KCNIP4: variants seen among roughly 807,000 people sequenced by gnomAD.
KCNIP4 encodes potassium voltage-gated channel interacting protein 4.
Under a neutral mutation model 34.0 loss-of-function variants are expected in KCNIP4, and 12 were observed. That is an observed-to-expected ratio of 0.35 (90% CI 0.23 to 0.57). The LOEUF (loss-of-function observed/expected upper bound fraction) is 0.57, where lower values mean the gene tolerates loss of function less well. Ranked by LOEUF, KCNIP4 falls within the 20% of genes least tolerant of loss-of-function variation. The pLI is 0.83. For missense variants in KCNIP4, 238 were observed against 311.7 expected (o/e 0.76, Z 1.78); for synonymous variants, 124 against 102.2 (o/e 1.21, Z -1.29).
intron 1 of KCNIP4, among the ~76,000 whole-genome samples, chr4:21,508,032 A>C (rs1374953829): frequency 6.6e-6 from 1 of 152,204 alleles, no homozygotes; most frequent in Non-Finnish European, 1.5e-5. Flanking sequence ...CAGTTTATTT[A>C]GCCAAATTTC....
At chr4:21,473,173 A>G (rs1440034484) in intron 1 of KCNIP4, among the ~76,000 whole-genome samples, 1 of 152,214 alleles carries the variant, frequency 6.6e-6, no homozygotes, top group Admixed American at 6.5e-5. Flanking sequence ...ACCCTACAAT[A>G]GGGCAAATGT....
At chr4:20,965,136 T>A (rs1439302239) in intron 1 of KCNIP4, among the ~76,000 whole-genome samples, 1 of 152,148 alleles carries the variant, frequency 6.6e-6, no homozygotes, top group African/African-American at 2.4e-5. Flanking sequence ...AAGATAGTCC[T>A]CATCCATATT....
intron 1 of KCNIP4, among the ~76,000 whole-genome samples, chr4:21,854,776 T>C (rs1291266127): frequency 2.0e-5 from 3 of 152,236 alleles, no homozygotes; most frequent in Non-Finnish European, 4.4e-5. Context: ...CAACTGGACA[T>C]GGCCACTTGG....
intron 1 of KCNIP4, among the ~76,000 whole-genome samples, chr4:21,681,712 G>A (rs975767639): frequency 1.3e-5 from 2 of 152,026 alleles, no homozygotes; most frequent in African/African-American, 4.8e-5. Flanking sequence ...AAGAAAAAAG[G>A]TTTCATTGGC....
intron 1 of KCNIP4, among the ~76,000 whole-genome samples, chr4:21,518,515 C>G (rs973818206): frequency 2.6e-5 from 4 of 152,096 alleles, no homozygotes; most frequent in African/African-American, 9.7e-5. Context: ...TTGAAGCTCT[C>G]AGCCCCATTC....
chr4:21,333,812 G>A (rs1578091221), intron 1 of KCNIP4, among the ~76,000 whole-genome samples: 1 of 152,216 alleles, frequency 6.6e-6, no homozygotes, highest in East Asian at 1.9e-4. Flanking sequence ...TGTGTTAAAA[G>A]GAAAGAATGG....
At chr4:21,284,742 G>A (rs1333265205) in intron 1 of KCNIP4, among the ~76,000 whole-genome samples, 1 of 148,574 alleles carries the variant, frequency 6.7e-6, no homozygotes, top group Admixed American at 6.8e-5. Context: ...CCTTGTGTGT[G>A]TGTGTGTGTG....
intron 1 of KCNIP4, among the ~76,000 whole-genome samples, chr4:21,126,617 CAAA>C (rs71655615): frequency 2.4e-5 from 2 of 82,058 alleles, no homozygotes. Context: ...AGAGAAATAG[CAAA>C]AAAAAAAAAA....
intron 5 of KCNIP4, among the ~76,000 whole-genome samples, chr4:20,739,410 T>C (rs1319734896): frequency 6.6e-6 from 1 of 152,134 alleles, no homozygotes; most frequent in Non-Finnish European, 1.5e-5. Flanking sequence ...GGCAGCAACA[T>C]GTGCTGTTCT....
At chr4:21,042,269 AG>A (rs1201981039) in intron 1 of KCNIP4, among the ~76,000 whole-genome samples, 10 of 152,212 alleles carry the variant, frequency 6.6e-5, no homozygotes, top group Admixed American at 6.5e-4. Flanking sequence ...ACAATAGCTA[AG>A]ATATGGAATC....
At chr4:21,803,018 C>T (rs1721092095) in intron 1 of KCNIP4, among the ~76,000 whole-genome samples, 1 of 152,130 alleles carries the variant, frequency 6.6e-6, no homozygotes. Flanking sequence ...GAAATTCTCC[C>T]AGTTCCATGT....
At chr4:20,807,422 G>A (rs1412773859) in intron 3 of KCNIP4, among the ~76,000 whole-genome samples, 2 of 152,044 alleles carry the variant, frequency 1.3e-5, no homozygotes, top group Non-Finnish European at 1.5e-5. Context: ...ACTGCAGCTT[G>A]TAGGCCACAT....
intron 1 of KCNIP4, among the ~76,000 whole-genome samples, chr4:20,893,528 T>C (rs913136591): frequency 2.0e-5 from 3 of 151,328 alleles, no homozygotes; most frequent in African/African-American, 7.3e-5. Context: ...GCTCAAGTGA[T>C]CCTCCCGCCT....
At chr4:21,607,274 G>A (rs79049860) in intron 1 of KCNIP4, among the ~76,000 whole-genome samples, 1 of 152,122 alleles carries the variant, frequency 6.6e-6, no homozygotes, top group South Asian at 2.1e-4. Context: ...GCCTATCTCA[G>A]AAGGTTCTTC....
intron 1 of KCNIP4, among the ~76,000 whole-genome samples, chr4:20,921,534 T>C (rs970348263): frequency 2.0e-5 from 3 of 152,240 alleles, no homozygotes; most frequent in Non-Finnish European, 4.4e-5. Context: ...CATGTTACTT[T>C]TTATTAAACA....
At chr4:21,816,108 G>A (rs1721970097) in intron 1 of KCNIP4, among the ~76,000 whole-genome samples, 2 of 152,030 alleles carry the variant, frequency 1.3e-5, no homozygotes, top group African/African-American at 4.8e-5. Flanking sequence ...CAAAATCAAA[G>A]CCAGAGTTAT....
intron 1 of KCNIP4, among the ~76,000 whole-genome samples, chr4:21,660,794 G>A (rs895839614): frequency 5.3e-5 from 8 of 152,066 alleles, no homozygotes; most frequent in African/African-American, 1.4e-4. Context: ...TGATGACAGT[G>A]ATACTTGTTA....
At chr4:21,075,036 C>G (rs1338575927) in intron 1 of KCNIP4, among the ~76,000 whole-genome samples, 1 of 152,110 alleles carries the variant, frequency 6.6e-6, no homozygotes, top group Non-Finnish European at 1.5e-5. Flanking sequence ...TTTACATTTG[C>G]TGAGGAGAGC....
At chr4:21,349,565 A>G (rs1717803777) in intron 1 of KCNIP4, among the ~76,000 whole-genome samples, 1 of 152,178 alleles carries the variant, frequency 6.6e-6, no homozygotes, top group African/African-American at 2.4e-5. Flanking sequence ...TTGGCACCAT[A>G]GAAGGCATTT....
Sources: gnomAD v4.1 joint callset for allele counts (sites outside exome capture counted in the v4.1 genomes callset) on GRCh38, gnomAD v4.1.1 for gene constraint, MANE v1.5 for transcripts, NCBI Gene and HGNC (gene_info 2026-07-23, HGNC 2026-07-21) for gene names.